Variants in GANAB observed in about 807,000 individuals in gnomAD.
GANAB encodes neutral alpha-glucosidase AB.
In GANAB, 35 loss-of-function variants were observed where a neutral mutation model predicts 129.9. The observed-to-expected ratio is 0.27, with a 90% confidence interval of 0.21 to 0.36. The LOEUF is 0.36. Among genes scored for constraint, GANAB ranks in the 10% least tolerant of loss-of-function variants. The pLI is 1.00. For missense variants in GANAB, 939 were observed against 1,221.0 expected (o/e 0.77, Z 3.44); for synonymous variants, 482 against 451.8 (o/e 1.07, Z -0.85).
Position 62,627,286 on chromosome 11 carries a change from C to A in GANAB, c.2245+3G>T. 1 of 1,563,512 alleles carries A rather than the reference C, an allele frequency of 6.4e-7. No homozygotes were observed. The highest frequency in any genetic ancestry group is 1.1e-5 in the South Asian group (1 of 90,076). ...CCCACCACCAACTATCCTCATTTCT[C>A]ACCAAGCAAGTACTGATCATCTATA... is the stretch of plus-strand genomic sequence containing the variant. On this transcript the variant is annotated splice_donor_region_variant and intron_variant, in intron 18 of 23. Coordinates refer to ENST00000356638, the MANE Select transcript of GANAB (RefSeq NM_198334.3).
chr11:62,630,912 TAGAGGC>T (rs1943642014), intron 10 of GANAB, 76 bp from the exon 11 acceptor site: 1 of 1,492,616 alleles, frequency 6.7e-7, no homozygotes, highest in African/African-American at 1.4e-5. Context: ...GCTTGTGAAC[TAGAGGC>T]AGGCTGAGGG....
Position 62,626,466 on chromosome 11 carries a change from A to C in GANAB, c.2512-19T>G, listed in dbSNP as rs1348446213. 1 of 1,569,022 alleles carries C rather than the reference A, an allele frequency of 6.4e-7. No individual in the cohort carries two copies. Among genetic ancestry groups the C allele is most frequent in the Non-Finnish European group, 8.8e-7 (1 of 1,138,948 alleles). ...CTGTACCCTGAGCAAGAAGTGGGAT[A>C]GGTGAGCGCCTGAGCCCAAGAGGGA... On this transcript the variant is annotated intron_variant, in intron 21 of 23. Coordinates refer to ENST00000356638, the MANE Select transcript of GANAB (RefSeq NM_198334.3).
Position 62,631,158 on chromosome 11 carries a change from T to C in GANAB, c.1022A>G (p.Tyr341Cys), listed in dbSNP as rs1163740455. The part of the protein sequence containing the change: ...GKTLFGKMMD[Y>C]LQGSGETPQT... ...TGGGGTCTCCCCAGAGCCCTGCAGG[T>C]AGTCCATCATCTTCCCAAACAGGGT... Residue 341 changes from tyrosine (Y) to cysteine (C), a missense_variant, in exon 10 of 24, where the codon TAC (tyrosine) becomes TGC (cysteine). Tyr to Cys is a radical substitution (Grantham distance 194). Around this residue, in one of 5 missense-constraint regions of GANAB, gnomAD observed 220 missense variants for 295.9 expected, o/e 0.74. Coordinates refer to ENST00000356638, the MANE Select transcript of GANAB (RefSeq NM_198334.3). The C allele has an allele frequency of 1.3e-6, 2 of 1,595,214 alleles. No homozygotes were observed. Among genetic ancestry groups the C allele is most frequent in the Non-Finnish European group, 1.7e-6 (2 of 1,164,504 alleles).
chr11:62,631,769 CTTA>C (rs943270886), intron 9 of GANAB, among the ~76,000 whole-genome samples: 9 of 151,790 alleles, frequency 5.9e-5, no homozygotes, highest in African/African-American at 2.2e-4. Flanking sequence ...CATCATCTTG[CTTA>C]TTATTTTTAT....
intron 22 of GANAB, 34 bp from the exon 23 acceptor site, chr11:62,626,199 G>T: frequency 6.7e-7 from 1 of 1,487,994 alleles, no homozygotes; most frequent in South Asian, 1.1e-5. Flanking sequence ...CCATCAGGGG[G>T]AAAAATAACA....
intron 16 of GANAB, 59 bp from the exon 17 acceptor site, chr11:62,629,071 G>A: frequency 6.3e-7 from 1 of 1,593,628 alleles, no homozygotes; most frequent in Non-Finnish European, 8.6e-7. Flanking sequence ...GATACTGCTT[G>A]AGAAACTTCC....
intron 1 of GANAB, among the ~76,000 whole-genome samples, chr11:62,645,708 A>G (rs1186463302): frequency 6.6e-6 from 1 of 152,082 alleles, no homozygotes; most frequent in Non-Finnish European, 1.5e-5. Context: ...TGACCACCCC[A>G]AGAGAGGTGT....
chr11:62,641,245 G>A (rs902376972), intron 1 of GANAB, among the ~76,000 whole-genome samples: 2 of 151,508 alleles, frequency 1.3e-5, no homozygotes, highest in Non-Finnish European at 2.9e-5. Context: ...TCGGGAGGCT[G>A]AGGCATGAGA....
At chr11:62,645,424 T>A (rs898444726) in intron 1 of GANAB, among the ~76,000 whole-genome samples, 2 of 151,732 alleles carry the variant, frequency 1.3e-5, no homozygotes, top group African/African-American at 4.8e-5. Flanking sequence ...TAGTCCCAGC[T>A]ACTCGGGAGG....
intron 4 of GANAB, among the ~76,000 whole-genome samples, chr11:62,637,709 A>G (rs1337946537): frequency 6.6e-6 from 1 of 152,104 alleles, no homozygotes; most frequent in East Asian, 1.9e-4. Context: ...AACTAGAGCT[A>G]TATGAAATGG....
At chr11:62,645,812 C>T (rs990481015) in intron 1 of GANAB, among the ~76,000 whole-genome samples, 4 of 152,214 alleles carry the variant, frequency 2.6e-5, no homozygotes, top group Non-Finnish European at 1.5e-5. Flanking sequence ...TTATGATCCA[C>T]GCTTTCTTCA....
rs1414733599 is a variant in GANAB, at chr11:62,629,918, C to T, written c.1633G>A (p.Glu545Lys). Residue 545 changes from glutamate (E) to lysine (K), a missense_variant, in exon 14 of 24, where the codon GAA (glutamate) becomes AAA (lysine). Coordinates refer to ENST00000356638, the MANE Select transcript of GANAB (RefSeq NM_198334.3). ...PNLFVWNDMN[E>K]PSVFNGPEVT... ...TCAGGACCATTGAACACAGATGGTTCGTTCATGTCATTCCAGACAAAGAGG... is the reference window on the plus strand; with the variant it reads ...TCAGGACCATTGAACACAGATGGTTTGTTCATGTCATTCCAGACAAAGAGG... 6.2e-7 allele frequency: 1 copy of T among 1,613,952 alleles called. No individual in the cohort carries two copies. The highest frequency in any genetic ancestry group is 8.5e-7 in the Non-Finnish European group (1 of 1,179,974).
intron 5 of GANAB, chr11:62,634,279 A>C: frequency 7.0e-7 from 1 of 1,434,134 alleles, no homozygotes; most frequent in Non-Finnish European, 9.8e-7. Context: ...GGGCAGAGGA[A>C]CAGATACAGT....
chr11:62,641,433 T>A (rs963287832), intron 1 of GANAB, among the ~76,000 whole-genome samples: 5 of 151,798 alleles, frequency 3.3e-5, no homozygotes, highest in Admixed American at 3.3e-4. Flanking sequence ...GCAGCCTGTT[T>A]CTCTGATTTC....
intron 4 of GANAB, among the ~76,000 whole-genome samples, chr11:62,636,026 T>C (rs1268555731): frequency 6.6e-6 from 1 of 152,172 alleles, no homozygotes; most frequent in Non-Finnish European, 1.5e-5. Flanking sequence ...AGTCTCACTC[T>C]ATCACCCAGA....
At chr11:62,636,964 GTAGA>G (rs981825248) in intron 4 of GANAB, among the ~76,000 whole-genome samples, 3 of 151,768 alleles carry the variant, frequency 2.0e-5, no homozygotes, top group Admixed American at 6.6e-5. Context: ...TGACCTTGGG[GTAGA>G]TAAAGACTAA....
intron 3 of GANAB, 104 bp downstream of exon 3, chr11:62,639,255 C>A: frequency 7.7e-7 from 1 of 1,295,872 alleles, no homozygotes. Context: ...AGTAAAAGTC[C>A]AAAGATTAGG....
rs1221715270 is a variant in GANAB, at chr11:62,625,993, G to A, written c.2726-69C>T. On this transcript the variant is annotated intron_variant, in intron 23 of 23. Transcript: ENST00000356638. ...ATAGCATAACAACAACGTTCCTACAGGCAAGGGCATCCCTAAACCTGCCCC... is the reference window on the plus strand; with the variant it reads ...ATAGCATAACAACAACGTTCCTACAAGCAAGGGCATCCCTAAACCTGCCCC... 3.4e-6 allele frequency: 5 copies of A among 1,462,332 alleles called. No individual in the cohort carries two copies. The Admixed American group carries it at 5.0e-5, about 15-fold the overall frequency. The allele number at this position is 1,462,332 out of a possible 1,614,324, so 90.6% of individuals were successfully genotyped here.
In GANAB at chr11:62,625,216, G is replaced by C. The variant is rs1049827273; in HGVS notation, c.*599C>G. On this transcript the variant is annotated 3_prime_UTR_variant, in exon 24 of 24. Transcript: ENST00000356638. ...TTGCAGCAGCTCTACAAGGAATCGG[G>C]GAGAGGAAAAGGGTAGAATGAGAGG... 14 of 454,622 alleles carry C rather than the reference G, an allele frequency of 3.1e-5. No individual in the cohort carries two copies. The highest frequency in any genetic ancestry group is 1.4e-4 in the South Asian group (9 of 64,486). 28.2% of individuals were successfully genotyped at this position (454,622 alleles called of 1,614,324 possible).
Sources: allele counts gnomAD v4.1 joint callset (sites outside exome capture counted in the v4.1 genomes callset), GRCh38; gene constraint gnomAD v4.1.1; regional missense constraint gnomAD v4.1.1; transcripts MANE v1.5; gene names NCBI Gene and HGNC (gene_info 2026-07-23, HGNC 2026-07-21).